VSTM4: variants seen among roughly 807,000 people sequenced by gnomAD.
The protein encoded by VSTM4 is V-set and transmembrane domain containing 4.
Under a neutral mutation model 36.4 loss-of-function variants are expected in VSTM4, and 20 were observed. That is an observed-to-expected ratio of 0.55 (90% confidence interval 0.39 to 0.80). VSTM4 has a LOEUF of 0.80. Among genes scored for constraint, VSTM4 ranks in the 30% least tolerant of loss-of-function variants. The pLI is 0.00. For synonymous variants in VSTM4, 182 were observed against 173.9 expected (o/e 1.05, Z -0.37); for missense variants, 392 against 404.5 (o/e 0.97, Z 0.26).
At chr10:49,047,691 C>A (rs901868744) in intron 6 of VSTM4, among the ~76,000 whole-genome samples, 5 of 152,200 alleles carry the variant, frequency 3.3e-5, no homozygotes, top group Non-Finnish European at 5.9e-5. Flanking sequence ...CTTTTCATCC[C>A]CCTGCAGTAC....
chr10:49,019,466 G>T lies in VSTM4; in HGVS notation c.*184C>A. ...CCCGGGAGATCTGTCAAGAGCTGTG[G>T]CCCCGATTCTTTTGGGGAGAGCAGG... On this transcript the variant is annotated 3_prime_UTR_variant, in exon 8 of 8. Coordinates refer to ENST00000332853, the MANE Select transcript of VSTM4 (RefSeq NM_001031746.5). The T allele has an allele frequency of 2.9e-6, 2 of 678,172 alleles. No homozygotes were observed. The highest frequency in any genetic ancestry group is 2.1e-6 in the Non-Finnish European group (1 of 472,100). 42.0% of individuals were successfully genotyped at this position (678,172 alleles called of 1,614,324 possible).
At chr10:49,053,083 A>G (rs1843723409) in intron 5 of VSTM4, among the ~76,000 whole-genome samples, 1 of 152,226 alleles carries the variant, frequency 6.6e-6, no homozygotes, top group Non-Finnish European at 1.5e-5. Flanking sequence ...GAACAGGGCT[A>G]TATTTTGTCT....
intron 2 of VSTM4, among the ~76,000 whole-genome samples, chr10:49,089,986 A>C (rs889567213): frequency 2.6e-5 from 4 of 152,218 alleles, no homozygotes; most frequent in Non-Finnish European, 2.9e-5. Flanking sequence ...CAGCTAATAT[A>C]AATTCACCTT....
At chr10:49,089,492 T>C (rs1295985231) in intron 2 of VSTM4, among the ~76,000 whole-genome samples, 1 of 152,202 alleles carries the variant, frequency 6.6e-6, no homozygotes, top group Non-Finnish European at 1.5e-5. Flanking sequence ...CCAATTACAG[T>C]TCCCTTTCCC....
intron 7 of VSTM4, among the ~76,000 whole-genome samples, chr10:49,036,360 T>C (rs535281924): frequency 6.6e-6 from 1 of 152,340 alleles, no homozygotes; most frequent in South Asian, 2.1e-4. Context: ...TTGTATTTTT[T>C]TCCCAAGGCT....
At chr10:49,066,302 T>C (rs1480449102) in intron 4 of VSTM4, among the ~76,000 whole-genome samples, 2 of 152,174 alleles carry the variant, frequency 1.3e-5, no homozygotes, top group African/African-American at 4.8e-5. Flanking sequence ...TAATGTAAAA[T>C]ACTAATATCT....
chr10:49,114,196 G>T (rs1239795406), intron 1 of VSTM4, among the ~76,000 whole-genome samples: 1 of 152,130 alleles, frequency 6.6e-6, no homozygotes, highest in East Asian at 1.9e-4. Context: ...AAGGATTTCA[G>T]GTTCACTGGG....
At chr10:49,074,076 G>A (rs1289895608) in intron 4 of VSTM4, among the ~76,000 whole-genome samples, 1 of 152,166 alleles carries the variant, frequency 6.6e-6, no homozygotes, top group Non-Finnish European at 1.5e-5. Flanking sequence ...TGCATGTTGA[G>A]TCTTCGCATA....
At chr10:49,056,280 G>A (rs945560535) in intron 5 of VSTM4, among the ~76,000 whole-genome samples, 5 of 152,234 alleles carry the variant, frequency 3.3e-5, no homozygotes, top group Admixed American at 1.3e-4. Context: ...CCAGGCTGGC[G>A]TTTTTGTTTG....
chr10:49,063,847 C>A (rs1191064935), intron 5 of VSTM4, among the ~76,000 whole-genome samples: 1 of 152,156 alleles, frequency 6.6e-6, no homozygotes, highest in Admixed American at 6.5e-5. Context: ...GGAGTCTTAG[C>A]CTGGAAGAAA....
intron 5 of VSTM4, among the ~76,000 whole-genome samples, chr10:49,063,144 A>C (rs944159333): frequency 4.6e-5 from 7 of 151,864 alleles, no homozygotes; most frequent in African/African-American, 1.5e-4. Context: ...TTTGAGACCA[A>C]CCTAGACAAC....
At chr10:49,096,605 G>A (rs1844573414) in intron 2 of VSTM4, among the ~76,000 whole-genome samples, 1 of 148,612 alleles carries the variant, frequency 6.7e-6, no homozygotes, top group African/African-American at 2.5e-5. Flanking sequence ...GGATTGGGTT[G>A]AAAAGCCATT....
intron 4 of VSTM4, among the ~76,000 whole-genome samples, chr10:49,075,933 G>C (rs975554357): frequency 2.0e-5 from 3 of 152,158 alleles, no homozygotes; most frequent in Non-Finnish European, 4.4e-5. Flanking sequence ...GCTGCCTCCT[G>C]GTTTGTCAGG....
At chr10:49,087,470 T>G (rs983435254) in intron 2 of VSTM4, among the ~76,000 whole-genome samples, 1 of 152,208 alleles carries the variant, frequency 6.6e-6, no homozygotes, top group East Asian at 1.9e-4. Context: ...TGACTCTAGA[T>G]AAAATTTTGG....
chr10:49,071,204 T>C (rs1844073095), intron 4 of VSTM4, among the ~76,000 whole-genome samples: 1 of 152,222 alleles, frequency 6.6e-6, no homozygotes, highest in African/African-American at 2.4e-5. Context: ...CTCTTTCCTA[T>C]CTAGTTCGAG....
At chr10:49,034,362 G>A (rs113514821) in intron 7 of VSTM4, among the ~76,000 whole-genome samples, 2,960 of 152,296 alleles carry the variant, frequency 0.019, 51 homozygotes, top group Non-Finnish European at 0.031. Context: ...AATAGCAGTA[G>A]GTATGCCTGA....
At chr10:49,060,449 G>T (rs911730360) in intron 5 of VSTM4, among the ~76,000 whole-genome samples, 6 of 152,204 alleles carry the variant, frequency 3.9e-5, no homozygotes, top group Non-Finnish European at 7.4e-5. Context: ...TCCCTAGTAG[G>T]TAATGACACT....
chr10:49,105,165 G>A (rs1289848400), intron 2 of VSTM4, among the ~76,000 whole-genome samples: 1 of 147,972 alleles, frequency 6.8e-6, no homozygotes. Flanking sequence ...GACAAAGAGA[G>A]AGACAGAAGG....
At chr10:49,069,815 C>T (rs1844041148) in intron 4 of VSTM4, among the ~76,000 whole-genome samples, 1 of 152,230 alleles carries the variant, frequency 6.6e-6, no homozygotes, top group East Asian at 1.9e-4. Flanking sequence ...CCAGCATGCA[C>T]AGCTGTCTGT....
Sources: allele counts gnomAD v4.1 joint callset (sites outside exome capture counted in the v4.1 genomes callset), GRCh38; gene constraint gnomAD v4.1.1; transcripts MANE v1.5; gene names NCBI Gene and HGNC (gene_info 2026-07-23, HGNC 2026-07-21).